ZNF536: variants seen among roughly 807,000 people sequenced by gnomAD.
The protein encoded by ZNF536 is zinc finger protein 536.
ZNF536 carries 13 observed loss-of-function variants against 84.5 expected under a neutral mutation model. The ratio of observed to expected loss-of-function variants is 0.15; its 90% CI spans 0.10 to 0.24. The LOEUF is 0.24. Ranked by LOEUF, ZNF536 falls within the 10% of genes least tolerant of loss-of-function variation. The pLI is 1.00. For missense variants in ZNF536, 1,536 were observed against 1,747.5 expected (o/e 0.88, Z 2.16); for synonymous variants, 811 against 742.5 (o/e 1.09, Z -1.50).
At chr19:30,585,767 A>C (rs562619293) in intron 1 of ZNF536, among the ~76,000 whole-genome samples, 43 of 151,548 alleles carry the variant, frequency 2.8e-4, no homozygotes, top group Middle Eastern at 3.4e-3. Context: ...CTGCCCTCCT[A>C]CCCGTCATTT....
At chr19:30,314,976 C>A (rs558441409) in intron 2 of ZNF536, among the ~76,000 whole-genome samples, 7 of 152,150 alleles carry the variant, frequency 4.6e-5, no homozygotes, top group Non-Finnish European at 8.8e-5. Flanking sequence ...CTCAGCGAGG[C>A]CTTTGTGGCC....
At chr19:30,243,719 A>G (rs2024091637) in intron 1 of ZNF536, among the ~76,000 whole-genome samples, 1 of 152,252 alleles carries the variant, frequency 6.6e-6, no homozygotes, top group Non-Finnish European at 1.5e-5. Flanking sequence ...TAATTTGGAG[A>G]CAACTTCTCT....
At chr19:30,627,804 C>T (rs1020964470) in intron 1 of ZNF536, among the ~76,000 whole-genome samples, 3 of 152,136 alleles carry the variant, frequency 2.0e-5, no homozygotes, top group Non-Finnish European at 2.9e-5. Flanking sequence ...CTGAGATGGG[C>T]GGAGGACCAG....
chr19:30,471,980 C>T (rs1363048886), intron 2 of ZNF536, among the ~76,000 whole-genome samples: 3 of 152,112 alleles, frequency 2.0e-5, no homozygotes, highest in Non-Finnish European at 4.4e-5. Flanking sequence ...CTGGGCAAAC[C>T]GAGGAGCTCC....
intron 2 of ZNF536, among the ~76,000 whole-genome samples, chr19:30,284,507 G>A (rs1015011773): frequency 6.6e-6 from 1 of 152,158 alleles, no homozygotes; most frequent in African/African-American, 2.4e-5. Context: ...ACCTGTGGTC[G>A]GGCTCCCCAT....
rs745909803 is a variant in ZNF536, at chr19:30,445,881, T to C, written c.2170+149T>C. The C allele has an allele frequency of 1.3e-5, 14 of 1,118,174 alleles. No individual in the cohort carries two copies. In the East Asian group the frequency reaches 3.6e-4, roughly 29 times the overall value. 69.3% of individuals were successfully genotyped at this position (1,118,174 alleles called of 1,614,324 possible). A position where few individuals can be genotyped will look rare whatever the true frequency, so the allele number is the denominator to read the frequency against. ...GGTTGGACACTGGGCCATGCCTTTC[T>C]TTCCCCCCCTGACTGGAGGGAAAGG... On this transcript the variant is annotated intron_variant, in intron 2 of 4. Transcript: ENST00000355537. The surrounding 1 kb of genome is among the most constrained non-coding windows in gnomAD (Gnocchi z 4.5).
intron 1 of ZNF536, among the ~76,000 whole-genome samples, chr19:30,606,333 C>A (rs2047890792): frequency 6.7e-6 from 1 of 150,310 alleles, no homozygotes. Context: ...AAAGTGCCTG[C>A]AAGGACACAC....
chr19:30,296,083 C>G (rs922528595), intron 2 of ZNF536: 1 of 152,192 alleles, frequency 6.6e-6, no homozygotes, highest in Admixed American at 6.5e-5. Context: ...GCACCGTGCT[C>G]ATTTATATGC....
At chr19:30,501,251 C>T (rs2054938751) in intron 2 of ZNF536, among the ~76,000 whole-genome samples, 1 of 152,144 alleles carries the variant, frequency 6.6e-6, no homozygotes, top group Non-Finnish European at 1.5e-5. Flanking sequence ...ATGAGAACAT[C>T]CCTCAGTTTC....
At chr19:30,456,575 C>G (rs1166588557) in intron 2 of ZNF536, among the ~76,000 whole-genome samples, 3 of 152,120 alleles carry the variant, frequency 2.0e-5, no homozygotes, top group African/African-American at 4.8e-5. Context: ...AAGCCTGTCT[C>G]CCTGAAGCTA....
intron 1 of ZNF536, among the ~76,000 whole-genome samples, chr19:30,687,394 C>T (rs1368559027): frequency 1.3e-5 from 2 of 152,168 alleles, no homozygotes; most frequent in African/African-American, 4.8e-5. Flanking sequence ...CAGGACGGGG[C>T]ATCAAAGGGG....
intron 1 of ZNF536, among the ~76,000 whole-genome samples, chr19:30,651,455 G>A (rs1200842382): frequency 1.3e-5 from 2 of 152,202 alleles, no homozygotes; most frequent in African/African-American, 2.4e-5. Context: ...AGCTCCAGGT[G>A]TGATTTTTCA....
At chr19:30,619,676 G>A (rs1374032494) in intron 1 of ZNF536, among the ~76,000 whole-genome samples, 2 of 152,172 alleles carry the variant, frequency 1.3e-5, no homozygotes. Flanking sequence ...TTTCCCTGTA[G>A]TATTTTTCAC....
chr19:30,534,736 TAGAC>T, intron 2 of ZNF536, 107 bp from the exon 3 acceptor site: 2 of 1,079,258 alleles, frequency 1.9e-6, no homozygotes, highest in Admixed American at 2.8e-5. Flanking sequence ...AAGAATGAAA[TAGAC>T]AGGTGTAGTA....
intron 1 of ZNF536, among the ~76,000 whole-genome samples, chr19:30,695,561 G>A (rs576819984): frequency 1.2e-4 from 19 of 152,260 alleles, no homozygotes; most frequent in Non-Finnish European, 2.5e-4. Flanking sequence ...CTGGAGATGG[G>A]TGAATTTCTG....
intron 1 of ZNF536, among the ~76,000 whole-genome samples, chr19:30,703,263 T>C (rs1418342938): frequency 6.6e-6 from 1 of 152,190 alleles, no homozygotes; most frequent in African/African-American, 2.4e-5. Flanking sequence ...CAGCAAACTA[T>C]GCAGGCTTTA....
chr19:30,426,487 G>A (rs185349110), intron 1 of ZNF536, among the ~76,000 whole-genome samples: 1 of 152,178 alleles, frequency 6.6e-6, no homozygotes, highest in Non-Finnish European at 1.5e-5. Context: ...GCTTTATCAG[G>A]AAAGTCTTAG....
intron 1 of ZNF536, among the ~76,000 whole-genome samples, chr19:30,673,307 A>G (rs1276250043): frequency 1.3e-5 from 2 of 152,064 alleles, no homozygotes; most frequent in Non-Finnish European, 2.9e-5. Context: ...CTGTTGTTTC[A>G]TCACTTTTCT....
intron 3 of ZNF536, among the ~76,000 whole-genome samples, chr19:30,537,491 G>A (rs528148314): frequency 1.3e-5 from 2 of 152,296 alleles, no homozygotes; most frequent in East Asian, 1.9e-4. Flanking sequence ...CATGGGTAAC[G>A]TCAGCCTTGC....
Sources: gnomAD v4.1 joint callset for allele counts (sites outside exome capture counted in the v4.1 genomes callset) on GRCh38, gnomAD v4.1.1 for gene constraint, Gnocchi (gnomAD v3.1) non-coding constraint, MANE v1.5 for transcripts, NCBI Gene and HGNC (gene_info 2026-07-23, HGNC 2026-07-21) for gene names.